Variants in BEGAIN observed in about 807,000 individuals in gnomAD.
BEGAIN encodes brain-enriched guanylate kinase-associated protein.
BEGAIN carries 19 observed loss-of-function variants against 35.8 expected under a neutral mutation model. The observed-to-expected ratio is 0.53, with a 90% CI of 0.37 to 0.78. BEGAIN has a LOEUF of 0.78. BEGAIN is among the 30% of genes least tolerant of loss of function. BEGAIN has a pLI of 0.00. For missense variants in BEGAIN, 795 were observed against 853.6 expected (o/e 0.93, Z 0.85); for synonymous variants, 462 against 388.6 (o/e 1.19, Z -2.22).
chr14:100,539,235 C>A lies in BEGAIN; in HGVS notation c.573G>T (p.Pro191=). Residue 191 remains proline (P), a synonymous_variant, in exon 7 of 7, where the codon CCG becomes CCT. Coordinates refer to ENST00000554140, the MANE Select transcript of BEGAIN (RefSeq NM_001385089.1). ...AGGTGGGGACGCTGTCGGCGTAGGC[C>A]GGGTGGCAGAGCGGGGATGGCAGGC... ...GCSLPSPLCH[P]AYADSVPTCV... The A allele has an allele frequency of 1.3e-6, 2 of 1,588,768 alleles. No individual in the cohort carries two copies. The highest frequency in any genetic ancestry group is 1.7e-6 in the Non-Finnish European group (2 of 1,167,482).
intron 1 of BEGAIN, among the ~76,000 whole-genome samples, chr14:100,579,334 G>C (rs1159862474): frequency 6.6e-6 from 1 of 152,250 alleles, no homozygotes; most frequent in Admixed American, 6.5e-5. Flanking sequence ...TGGAGGCCTC[G>C]GGTGTAGTTA....
chr14:100,546,751 C>T lies in BEGAIN; in HGVS notation c.72-89G>A, dbSNP rs562520921. The T allele has an allele frequency of 1.0e-4, 136 of 1,316,856 alleles. 1 individual carries two copies. The South Asian group carries it at 1.8e-3, about 18-fold the overall frequency. The allele number at this position is 1,316,856 out of a possible 1,614,324, so 81.6% of individuals were successfully genotyped here. On this transcript the variant is annotated intron_variant, in intron 2 of 6. Transcript: ENST00000554140. ...GGCCAGCCGGGGCGTGCCGCACTAA[C>T]ACGCGAGTACCGGCGCGCGCGCGCG...
At chr14:100,552,517 G>A (rs1410515716) in intron 2 of BEGAIN, among the ~76,000 whole-genome samples, 7 of 152,234 alleles carry the variant, frequency 4.6e-5, no homozygotes, top group Non-Finnish European at 8.8e-5. Flanking sequence ...GGCCCTGCCG[G>A]GGCTGCCGCC....
At chr14:100,587,202 T>TCCGCGCCCGCGC (rs1169246689) in intron 1 of BEGAIN, 47 bp downstream of exon 1, 4 of 172,092 alleles carry the variant, frequency 2.3e-5, no homozygotes, top group Non-Finnish European at 4.5e-5. Context: ...CCGCCCCGCC[T>TCCGCGCCCGCGC]CCGCGCCCGC....
intron 1 of BEGAIN, among the ~76,000 whole-genome samples, chr14:100,581,508 A>G (rs2035315088): frequency 6.6e-6 from 1 of 152,176 alleles, no homozygotes; most frequent in South Asian, 2.1e-4. Context: ...CATCTGATTC[A>G]GTCCTGCTTC....
At chr14:100,584,822 G>T (rs151251726) in intron 1 of BEGAIN, among the ~76,000 whole-genome samples, 1 of 152,082 alleles carries the variant, frequency 6.6e-6, no homozygotes, top group Non-Finnish European at 1.5e-5. Context: ...TAAGGCTAGC[G>T]ACCAGCTCTG....
intron 2 of BEGAIN, among the ~76,000 whole-genome samples, chr14:100,559,422 C>G (rs2034043256): frequency 6.6e-6 from 1 of 152,236 alleles, no homozygotes; most frequent in South Asian, 2.1e-4. Flanking sequence ...CATGGGCCGG[C>G]CCCATAGCCA....
chr14:100,568,423 G>T lies in BEGAIN; in HGVS notation c.43-484C>A. The stretch of plus-strand genomic sequence containing the variant: ...TGTTGGGGAATTCGGGGCCGTGCAG[G>T]ATTGCAGAACCTGACACTCACACAA... On this transcript the variant is annotated intron_variant, in intron 1 of 6. Coordinates refer to ENST00000554140, the MANE Select transcript of BEGAIN (RefSeq NM_001385089.1). This position sits in a 1 kb window ranked among gnomAD's most constrained non-coding sequence, Gnocchi z 7.5. 1 of 1,280,880 alleles carries T rather than the reference G, an allele frequency of 7.8e-7. No homozygotes were observed. Among genetic ancestry groups the T allele is most frequent in the Non-Finnish European group, 1.0e-6 (1 of 983,686 alleles). The allele number at this position is 1,280,880 out of a possible 1,614,324, so 79.3% of individuals were successfully genotyped here. A position where few individuals can be genotyped will look rare whatever the true frequency, so the allele number is the denominator to read the frequency against.
At chr14:100,556,105 C>G (rs1409926831) in intron 2 of BEGAIN, among the ~76,000 whole-genome samples, 1 of 152,160 alleles carries the variant, frequency 6.6e-6, no homozygotes, top group Non-Finnish European at 1.5e-5. Context: ...TTGGTCATCA[C>G]CAGCTCAATT....
intron 1 of BEGAIN, among the ~76,000 whole-genome samples, chr14:100,576,833 G>A (rs1172548761): frequency 6.6e-6 from 1 of 152,226 alleles, no homozygotes; most frequent in East Asian, 1.9e-4. Context: ...GAGTGCATGT[G>A]TGGACGGGGT....
chr14:100,537,909 C>T lies in BEGAIN; in HGVS notation c.*60G>A. On this transcript the variant is annotated 3_prime_UTR_variant, in exon 7 of 7. Transcript: ENST00000554140. ...GGGGGCTGGGGAGAGGTGAGGCCGG[C>T]CCTTCTGGGGCACGTGGGCTGGCGG... is the stretch of plus-strand genomic sequence containing the variant. The T allele has an allele frequency of 6.5e-7, 1 of 1,534,764 alleles. No homozygotes were observed. Among genetic ancestry groups the T allele is most frequent in the Non-Finnish European group, 8.8e-7 (1 of 1,141,116 alleles).
Position 100,568,313 on chromosome 14 carries a change from C to CCCCCCCCCCCTTAAACCATACA in BEGAIN, c.43-375_43-374insTGTATGGTTTAAGGGGGGGGGG. The CCCCCCCCCCCTTAAACCATACA allele has an allele frequency of 1.3e-6, 1 of 756,892 alleles. No individual in the cohort carries two copies. Among genetic ancestry groups the CCCCCCCCCCCTTAAACCATACA allele is most frequent in the Non-Finnish European group, 1.9e-6 (1 of 530,270 alleles). 46.9% of individuals were successfully genotyped at this position (756,892 alleles called of 1,614,324 possible). A position where few individuals can be genotyped will look rare whatever the true frequency, so the allele number is the denominator to read the frequency against. ...GCGGCCGCGGCCCCGCTGCTCCCCC[C>CCCCCCCCCCCTTAAACCATACA]GCCCCGCCCGTTAACCCTTCCTGCC... On this transcript the variant is annotated intron_variant, in intron 1 of 6. Coordinates refer to ENST00000554140, the MANE Select transcript of BEGAIN (RefSeq NM_001385089.1). The surrounding 1 kb of genome is among the most constrained non-coding windows in gnomAD (Gnocchi z 7.5).
In BEGAIN at chr14:100,568,995, C is replaced by T; in HGVS notation, c.43-1056G>A. The T allele has an allele frequency of 1.4e-5, 14 of 966,872 alleles. No homozygotes were observed. The highest frequency in any genetic ancestry group is 1.6e-5 in the Non-Finnish European group (13 of 814,080). The allele number at this position is 966,872 out of a possible 1,614,324, so 59.9% of individuals were successfully genotyped here. ...CTCCGCTCGGGTCCGGGCCCCACGCCGCCTCCCCCACCGCCCCGCCGGGCG... is the reference window on the plus strand; with the variant it reads ...CTCCGCTCGGGTCCGGGCCCCACGCTGCCTCCCCCACCGCCCCGCCGGGCG... On this transcript the variant is annotated intron_variant, in intron 1 of 6. Coordinates refer to ENST00000554140, the MANE Select transcript of BEGAIN (RefSeq NM_001385089.1). The surrounding 1 kb of genome is among the most constrained non-coding windows in gnomAD (Gnocchi z 7.5).
chr14:100,564,459 G>C (rs2034532643), intron 2 of BEGAIN, among the ~76,000 whole-genome samples: 1 of 152,110 alleles, frequency 6.6e-6, no homozygotes, highest in South Asian at 2.1e-4. Flanking sequence ...AGGCAGGAGG[G>C]ACCCTGTTTG....
rs930703035 is a variant in BEGAIN, at chr14:100,586,843, A to G, written c.42+406T>C. Among the ~76,000 whole-genome samples, 3 of 152,014 alleles carry G rather than the reference A, an allele frequency of 2.0e-5. No homozygotes were observed. Among genetic ancestry groups the G allele is most frequent in the Non-Finnish European group, 2.9e-5 (2 of 67,978 alleles). On this transcript the variant is annotated intron_variant, in intron 1 of 6. Coordinates refer to ENST00000554140, the MANE Select transcript of BEGAIN (RefSeq NM_001385089.1). This position sits in a 1 kb window ranked among gnomAD's most constrained non-coding sequence, Gnocchi z 4.9. ...CCAAGCAGGGGCTGGCCCTGCCCCC[A>G]GACGCAGGCGGGTCCAGGCCTGCCC... is the stretch of plus-strand genomic sequence containing the variant.
intron 1 of BEGAIN, among the ~76,000 whole-genome samples, chr14:100,570,328 T>C (rs956492968): frequency 5.3e-5 from 8 of 152,126 alleles, no homozygotes; most frequent in African/African-American, 1.7e-4. Flanking sequence ...GGTGGAGCAG[T>C]GGGGGCTGGG....
At chr14:100,545,721 T>G (rs1244979262) in intron 3 of BEGAIN, among the ~76,000 whole-genome samples, 2 of 152,150 alleles carry the variant, frequency 1.3e-5, no homozygotes, top group African/African-American at 4.8e-5. Flanking sequence ...GGGCCCAGAT[T>G]TTAACTGAGG....
chr14:100,578,908 C>T (rs924282835), intron 1 of BEGAIN, among the ~76,000 whole-genome samples: 1 of 143,770 alleles, frequency 7.0e-6, no homozygotes, highest in Non-Finnish European at 1.5e-5. Flanking sequence ...GTTGCCCAGG[C>T]TGGATTACAA....
At chr14:100,580,713 T>C (rs940398742) in intron 1 of BEGAIN, among the ~76,000 whole-genome samples, 11 of 152,150 alleles carry the variant, frequency 7.2e-5, no homozygotes, top group Admixed American at 5.9e-4. Context: ...TTATTATCTG[T>C]GTGTGTGTCC....
Sources: allele counts gnomAD v4.1 joint callset (sites outside exome capture counted in the v4.1 genomes callset), GRCh38; gene constraint gnomAD v4.1.1; non-coding constraint Gnocchi (gnomAD v3.1); transcripts MANE v1.5; gene names NCBI Gene and HGNC (gene_info 2026-07-23, HGNC 2026-07-21).